Variants in NKAIN2 observed in about 807,000 individuals in gnomAD.
NKAIN2 encodes sodium/potassium transporting ATPase interacting 2, also known as sodium/potassium-transporting ATPase subunit beta-1-interacting protein 2.
In NKAIN2, 14 loss-of-function variants were observed where a neutral mutation model predicts 32.6. That is an observed-to-expected ratio of 0.43 (90% CI 0.28 to 0.67). NKAIN2 has a LOEUF of 0.67. NKAIN2 is among the 30% of genes least tolerant of loss of function. The pLI is 0.17. For synonymous variants in NKAIN2, 80 were observed against 87.2 expected (o/e 0.92, Z 0.46); for missense variants, 198 against 258.3 (o/e 0.77, Z 1.60).
intron 2 of NKAIN2, among the ~76,000 whole-genome samples, chr6:124,305,443 T>G (rs540224451): frequency 3.0e-4 from 46 of 152,288 alleles, no homozygotes; most frequent in Admixed American, 7.8e-4. Context: ...GAAAAGGATA[T>G]ATGTTGTTGA....
intron 1 of NKAIN2, among the ~76,000 whole-genome samples, chr6:124,190,527 G>A (rs980593711): frequency 1.3e-5 from 2 of 152,302 alleles, no homozygotes; most frequent in Non-Finnish European, 2.9e-5. Flanking sequence ...TTGTTGGAAG[G>A]ATGTGTTCTT....
chr6:123,892,591 G>A (rs966632169), intron 1 of NKAIN2, among the ~76,000 whole-genome samples: 3 of 151,868 alleles, frequency 2.0e-5, no homozygotes, highest in African/African-American at 7.3e-5. Context: ...ATGAGATTTG[G>A]GTGGGGACAC....
rs1311974851 is a variant in NKAIN2, at chr6:124,528,384, G to A, written c.274-129802G>A. ...TTTATTAACCAGTGGGTCACATACTGTAGTGCAGTGTTTTGTCTTTTTAAG... is the reference window on the plus strand; with the variant it reads ...TTTATTAACCAGTGGGTCACATACTATAGTGCAGTGTTTTGTCTTTTTAAG... On this transcript the variant is annotated intron_variant, in intron 3 of 6. Transcript: ENST00000368417. Among the ~76,000 whole-genome samples, 3 of 152,300 alleles carry A rather than the reference G, an allele frequency of 2.0e-5. No individual in the cohort carries two copies. The South Asian group carries it at 6.2e-4, about 32-fold the overall frequency.
At chr6:124,260,853 T>C (rs1209572327) in intron 1 of NKAIN2, among the ~76,000 whole-genome samples, 1 of 152,198 alleles carries the variant, frequency 6.6e-6, no homozygotes, top group Non-Finnish European at 1.5e-5. Context: ...TAAATTCTCC[T>C]TTTCCTGTGC....
intron 2 of NKAIN2, among the ~76,000 whole-genome samples, chr6:124,340,434 C>T (rs1798069000): frequency 6.6e-6 from 1 of 152,024 alleles, no homozygotes; most frequent in South Asian, 2.1e-4. Context: ...AATAGATAAA[C>T]TTGTGTCATG....
rs1375910163 is a variant in NKAIN2, at chr6:124,609,696, G to A, written c.274-48490G>A. 2.0e-5 allele frequency among the ~76,000 whole-genome samples: 3 copies of A among 151,564 alleles called. No individual in the cohort carries two copies. The East Asian group carries it at 5.8e-4, about 29-fold the overall frequency. ...ATTTTTTTTTCACTTTTACATGAAC[G>A]CAACATGCCACTTTTGAACTCACAG... On this transcript the variant is annotated intron_variant, in intron 3 of 6. Transcript: ENST00000368417.
At chr6:124,377,461 A>T (rs1311746518) in intron 3 of NKAIN2, among the ~76,000 whole-genome samples, 1 of 152,172 alleles carries the variant, frequency 6.6e-6, no homozygotes, top group African/African-American at 2.4e-5. Flanking sequence ...TACCAGATGG[A>T]CATAGCACTG....
intron 3 of NKAIN2, among the ~76,000 whole-genome samples, chr6:124,570,741 A>T (rs1036858232): frequency 1.3e-5 from 2 of 152,182 alleles, no homozygotes; most frequent in African/African-American, 4.8e-5. Context: ...TGGAAGGGAA[A>T]TGTGGGGTTA....
intron 1 of NKAIN2, among the ~76,000 whole-genome samples, chr6:124,252,598 A>G (rs1400075499): frequency 3.3e-5 from 5 of 152,032 alleles, no homozygotes; most frequent in Non-Finnish European, 5.9e-5. Flanking sequence ...ACATAAATAT[A>G]TGTATGTGTG....
chr6:124,146,599 A>G (rs1323833339), intron 1 of NKAIN2, among the ~76,000 whole-genome samples: 2 of 152,206 alleles, frequency 1.3e-5, no homozygotes, highest in Admixed American at 6.5e-5. Context: ...AACATTGCTC[A>G]TGATAGCAAA....
intron 1 of NKAIN2, among the ~76,000 whole-genome samples, chr6:124,028,763 A>G (rs1273614954): frequency 2.0e-5 from 3 of 148,460 alleles, no homozygotes; most frequent in South Asian, 4.2e-4. Context: ...ATACAAGTAT[A>G]TAAGTGTATA....
intron 1 of NKAIN2, among the ~76,000 whole-genome samples, chr6:124,052,600 T>A (rs1002244425): frequency 5.3e-5 from 8 of 152,058 alleles, no homozygotes; most frequent in Non-Finnish European, 1.2e-4. Flanking sequence ...AAAACACTTT[T>A]GTCCAAAAGT....
At chr6:123,912,108 T>C (rs189695457) in intron 1 of NKAIN2, among the ~76,000 whole-genome samples, 267 of 151,874 alleles carry the variant, frequency 1.8e-3, no homozygotes, top group African/African-American at 6.1e-3. Flanking sequence ...GTACACCAAT[T>C]TCCATGTTTT....
rs1162529828 is a variant in NKAIN2 at position 124,331,345 on chromosome 6, C to CAAAAAAAAAAAAAAAAAAAAAAAAAAAA, written c.193-23915_193-23888dup. 2.9e-4 allele frequency among the ~76,000 whole-genome samples: 6 copies of CAAAAAAAAAAAAAAAAAAAAAAAAAAAA among 20,816 alleles called. 1 individual carries two copies. The highest frequency in any genetic ancestry group is 5.3e-4 in the African/African-American group (3 of 5,680). The allele number at this position is 20,816 out of a possible 152,430, so 13.7% of individuals were successfully genotyped here. A position where few individuals can be genotyped will look rare whatever the true frequency, so the allele number is the denominator to read the frequency against. ...TGAAACCCTGTCTCTACTAAATATA[C>CAAAAAAAAAAAAAAAAAAAAAAAAAAAA]AAAAAAAAAAAAAAAAAAAAAAAAA... On this transcript the variant is annotated intron_variant, in intron 2 of 6. Coordinates refer to ENST00000368417, the MANE Select transcript of NKAIN2 (RefSeq NM_001040214.3).
intron 1 of NKAIN2, among the ~76,000 whole-genome samples, chr6:123,970,863 C>A (rs924129383): frequency 6.6e-6 from 1 of 151,620 alleles, no homozygotes; most frequent in African/African-American, 2.4e-5. Flanking sequence ...GCCTGGTCGA[C>A]GAAGTGAATC....
intron 1 of NKAIN2, among the ~76,000 whole-genome samples, chr6:123,844,473 T>A (rs1198875094): frequency 1.3e-5 from 2 of 152,138 alleles, no homozygotes; most frequent in Non-Finnish European, 2.9e-5. Context: ...TTAAATAGCA[T>A]CCCCTTTAAC....
At chr6:123,875,398 T>A (rs1455030779) in intron 1 of NKAIN2, among the ~76,000 whole-genome samples, 1 of 152,028 alleles carries the variant, frequency 6.6e-6, no homozygotes, top group Non-Finnish European at 1.5e-5. Flanking sequence ...CCTTTTGCCT[T>A]ACTTTGATTA....
At chr6:123,886,342 G>A (rs922061000) in intron 1 of NKAIN2, among the ~76,000 whole-genome samples, 1 of 151,922 alleles carries the variant, frequency 6.6e-6, no homozygotes, top group African/African-American at 2.4e-5. Context: ...TCCACATGAT[G>A]GCATATTTTG....
Position 124,186,140 on chromosome 6 carries a change from AAAGG to A in NKAIN2, c.55-96852_55-96849del, listed in dbSNP as rs796078160. Among the ~76,000 whole-genome samples, 111 of 135,164 alleles carry A rather than the reference AAAGG, an allele frequency of 8.2e-4. 1 individual carries two copies. The highest frequency in any genetic ancestry group is 5.5e-3 in the East Asian group (24 of 4,382). 88.7% of individuals were successfully genotyped at this position (135,164 alleles called of 152,430 possible). Reference sequence around the variant, plus strand: ...TTACAAAAAATAAAAAAAAGAAAAGAAAGGAAGGAAGGAAGGGAGGGAGGGAGGG... The same window carrying A: ...TTACAAAAAATAAAAAAAAGAAAAGAAAGGAAGGAAGGGAGGGAGGGAGGG... On this transcript the variant is annotated intron_variant, in intron 1 of 6. Coordinates refer to ENST00000368417, the MANE Select transcript of NKAIN2 (RefSeq NM_001040214.3).
Sources: gnomAD v4.1 joint callset for allele counts (sites outside exome capture counted in the v4.1 genomes callset) on GRCh38, gnomAD v4.1.1 for gene constraint, MANE v1.5 for transcripts, NCBI Gene and HGNC (gene_info 2026-07-23, HGNC 2026-07-21) for gene names.